The following LINGO3 variants were observed in gnomAD, a reference collection of about 807,000 sequenced individuals.
LINGO3 encodes the protein leucine rich repeat and Ig domain containing 3, also known as leucine-rich repeat and immunoglobulin-like domain-containing nogo receptor-interacting protein 3.
For missense variants in LINGO3, 750 were observed against 867.7 expected, an observed-to-expected ratio of 0.86 and a Z score of 1.70; for synonymous variants, 427 against 444.2, an observed-to-expected ratio of 0.96 and a Z score of 0.49.
At chr19:2,305,063 G>A in the LINGO3 span, among the ~76,000 whole-genome samples, 2 of 152,160 alleles carry the variant, frequency 1.3e-5, no homozygotes, top group South Asian at 4.1e-4. Flanking sequence ...CCTCCAGAAC[G>A]GTGCAATAAT....
the LINGO3 span, among the ~76,000 whole-genome samples, chr19:2,304,842 G>A: frequency 6.7e-6 from 1 of 150,252 alleles, no homozygotes; most frequent in East Asian, 2.0e-4. Context: ...TGAGAAGCTG[G>A]AACTACAGGC....
At chr19:2,301,943 A>C in the LINGO3 span, among the ~76,000 whole-genome samples, 1 of 151,048 alleles carries the variant, frequency 6.6e-6, no homozygotes, top group Admixed American at 6.6e-5. Flanking sequence ...AAAAAAAAAA[A>C]AAAAGAGGAA....
chr19:2,308,142 A>AGCCGCCGCCGCCGCCGCCGCCGCC, the LINGO3 span, among the ~76,000 whole-genome samples: 98 of 139,672 alleles, frequency 7.0e-4, 1 homozygote, highest in African/African-American at 1.2e-3. Flanking sequence ...CGACACGAGC[A>AGCCGCCGCCGCCGCCGCCGCCGCC]GCCGCCGCCG....
chr19:2,290,059 T>C lies in LINGO3; in HGVS notation c.1718A>G (p.Asp573Gly). Residue 573 changes from aspartate to glycine, a missense_variant, in exon 1 of 1, where the codon GAT becomes GGT. Physicochemically the swap from Asp to Gly is moderately conservative, Grantham distance 94 (BLOSUM62 -1). Coordinates refer to ENST00000585527, the Ensembl canonical transcript of LINGO3. The surrounding 1 kb of genome is among the most constrained non-coding windows in gnomAD (Gnocchi z 6.0). ...CTGGCCCGCCGCGGCGGCCGGCCCA[T>C]CCACCTTGCGGAAGGAGTACTCCAC... 6.4e-7 allele frequency: 1 copy of C among 1,559,578 alleles called. No individual in the cohort carries two copies.
chr19:2,305,206 G>T, the LINGO3 span, among the ~76,000 whole-genome samples: 1 of 152,080 alleles, frequency 6.6e-6, no homozygotes, highest in Non-Finnish European at 1.5e-5. Context: ...GAAGGCAGGG[G>T]ACATTGACCT....
upstream of LINGO3, among the ~76,000 whole-genome samples, chr19:2,294,908 CGGCT>C (rs2025559972): frequency 6.6e-6 from 1 of 152,062 alleles, no homozygotes; most frequent in South Asian, 2.1e-4. This position sits in a 1 kb window ranked among gnomAD's most constrained non-coding sequence, Gnocchi z 4.3. Context: ...GCCAGCCGGC[CGGCT>C]ATTTTTGGCA....
At chr19:2,298,904 G>A in the LINGO3 span, among the ~76,000 whole-genome samples, 2 of 152,110 alleles carry the variant, frequency 1.3e-5, no homozygotes, top group South Asian at 4.1e-4. Flanking sequence ...AAGTTTCCTG[G>A]AGAGATGACA....
At chr19:2,292,399 CA>C (rs1156254881), upstream of LINGO3, among the ~76,000 whole-genome samples, 5,871 of 42,620 alleles carry the variant, frequency 0.14, 448 homozygotes, top group African/African-American at 0.34. Context: ...AACCCTGTCT[CA>C]AAAAAAAAAA....
the LINGO3 span, among the ~76,000 whole-genome samples, chr19:2,302,971 C>T: frequency 6.6e-6 from 1 of 152,260 alleles, no homozygotes; most frequent in Non-Finnish European, 1.5e-5. Context: ...TCCACGCAGA[C>T]GCCCGCAGCA....
the LINGO3 span, among the ~76,000 whole-genome samples, chr19:2,298,536 AT>A: frequency 0.052 from 5,961 of 114,016 alleles, 305 homozygotes; most frequent in East Asian, 0.3. Flanking sequence ...TGGGCCAATA[AT>A]TTTTTTTTTT....
chr19:2,294,941 C>T (rs961215763), upstream of LINGO3, among the ~76,000 whole-genome samples: 1 of 152,092 alleles, frequency 6.6e-6, no homozygotes, highest in Admixed American at 6.6e-5. This position sits in a 1 kb window ranked among gnomAD's most constrained non-coding sequence, Gnocchi z 4.3. Flanking sequence ...GCTGAGCCCC[C>T]CTCGGCATCC....
rs775220753 is a variant in LINGO3 at position 2,290,159 on chromosome 19, C to G, written c.1618G>C (p.Gly540Arg). Residue 540 changes from glycine to arginine, a missense_variant, in exon 1 of 1, where the codon GGC becomes CGC. Coordinates refer to ENST00000585527, the Ensembl canonical transcript of LINGO3. The surrounding 1 kb of genome is among the most constrained non-coding windows in gnomAD (Gnocchi z 6.0). Reference sequence around the variant, plus strand: ...AGCACGAAGCAGAAGAGGACCACGCCCAGGAAGGTGATGCAGCCCATGGCG... The same window carrying G: ...AGCACGAAGCAGAAGAGGACCACGCGCAGGAAGGTGATGCAGCCCATGGCG... 1 of 1,612,614 alleles carries G rather than the reference C, an allele frequency of 6.2e-7. No homozygotes were observed. Among genetic ancestry groups the G allele is most frequent in the South Asian group, 1.1e-5 (1 of 91,068 alleles).
the LINGO3 span, among the ~76,000 whole-genome samples, chr19:2,306,517 C>T: frequency 6.6e-6 from 1 of 152,194 alleles, no homozygotes; most frequent in Admixed American, 6.5e-5. Flanking sequence ...ACCTTCAGGT[C>T]CCGGCTTACC....
rs771157725 is a variant in LINGO3, at chr19:2,290,612, C to T, written c.1165G>A (p.Ala389Thr). 4 of 1,590,120 alleles carry T rather than the reference C, an allele frequency of 2.5e-6. No individual in the cohort carries two copies. The highest frequency in any genetic ancestry group is 1.7e-4 in the Middle Eastern group (1 of 6,036). Residue 389 changes from alanine to threonine, a missense_variant, in exon 1 of 1, where the codon GCG (alanine) becomes ACG (threonine). Ala to Thr is a moderately conservative substitution (Grantham distance 58). Coordinates refer to ENST00000585527, the Ensembl canonical transcript of LINGO3. This position sits in a 1 kb window ranked among gnomAD's most constrained non-coding sequence, Gnocchi z 6.0. ...ACGGAGTCCGGCAGGTTTCGCAGCG[C>T]GTCGCCGCGCACCTCGGCCGGGGTG...
the LINGO3 span, among the ~76,000 whole-genome samples, chr19:2,304,210 T>A: frequency 1.3e-5 from 2 of 152,190 alleles, no homozygotes; most frequent in East Asian, 3.8e-4. Flanking sequence ...AGGCACTGGT[T>A]TTAAGAGAAA....
At position 2,290,478 on chromosome 19, in the gene LINGO3, G is replaced by A. The variant is rs1484387613; in HGVS notation, c.1299C>T (p.Gly433=). 6 of 1,465,316 alleles carry A rather than the reference G, an allele frequency of 4.1e-6. No homozygotes were observed. The African/African-American group carries it at 5.9e-5, about 14-fold the overall frequency. The allele number at this position is 1,465,316 out of a possible 1,614,324, so 90.8% of individuals were successfully genotyped here. A position where few individuals can be genotyped will look rare whatever the true frequency, so the allele number is the denominator to read the frequency against. The change falls in exon 1 of 1, where the codon GGC becomes GGT. Residue 433 remains glycine (G), a synonymous_variant. Transcript: ENST00000585527. The surrounding 1 kb of genome is among the most constrained non-coding windows in gnomAD (Gnocchi z 6.0). ...CCCAGGCCACGGTGGGCGCCGGCTC[G>A]CCCTCGGCGCGGCAGAGGAAGCGGA...
At chr19:2,293,655 C>T (rs147378681), upstream of LINGO3, among the ~76,000 whole-genome samples, 2,256 of 151,706 alleles carry the variant, frequency 0.015, 20 homozygotes, top group Non-Finnish European at 0.022. Context: ...CCACCGCGCC[C>T]GTCCGTGTGA....
At chr19:2,300,342 T>G in the LINGO3 span, among the ~76,000 whole-genome samples, 1 of 151,954 alleles carries the variant, frequency 6.6e-6, no homozygotes, top group African/African-American at 2.4e-5. Context: ...CCAGGCTGAT[T>G]CTTTAGGGGC....
At chr19:2,302,602 C>G in the LINGO3 span, among the ~76,000 whole-genome samples, 33 of 152,302 alleles carry the variant, frequency 2.2e-4, no homozygotes, top group African/African-American at 7.9e-4. Context: ...GACTGCCCGT[C>G]TGCCCCTGCA....
Sources: allele counts gnomAD v4.1 joint callset (sites outside exome capture counted in the v4.1 genomes callset), GRCh38; gene constraint gnomAD v4.1.1; non-coding constraint Gnocchi (gnomAD v3.1); transcripts MANE v1.5; gene names NCBI Gene and HGNC (gene_info 2026-07-23, HGNC 2026-07-21).